TAF5L: variants seen among roughly 807,000 people sequenced by gnomAD.
The protein encoded by TAF5L is TATA-box binding protein associated factor 5 like.
A neutral mutation model predicts 51.3 loss-of-function variants in TAF5L; 7 were observed. The observed-to-expected ratio is 0.14, with a 90% confidence interval of 0.08 to 0.26. The LOEUF is 0.26. Ranked by LOEUF, TAF5L falls within the 10% of genes least tolerant of loss-of-function variation. The pLI, the probability that TAF5L is intolerant of heterozygous loss-of-function variation, is 1.00. For missense variants in TAF5L, 575 were observed against 758.9 expected, an observed-to-expected ratio of 0.76 and a Z score of 2.85; for synonymous variants, 291 against 308.1, an observed-to-expected ratio of 0.94 and a Z score of 0.58.
chr1:229,620,001 G>A (rs1665145355), intron 1 of TAF5L, among the ~76,000 whole-genome samples: 1 of 151,872 alleles, frequency 6.6e-6, no homozygotes, highest in Non-Finnish European at 1.5e-5. Flanking sequence ...CGGCTTAATG[G>A]TGCCACTATC....
At chr1:229,611,764 C>T (rs1664800740) in intron 2 of TAF5L, among the ~76,000 whole-genome samples, 1 of 152,200 alleles carries the variant, frequency 6.6e-6, no homozygotes, top group Non-Finnish European at 1.5e-5. Context: ...CTTATCAATA[C>T]TGCCACCAGA....
At chr1:229,611,535 C>G (rs999616650) in intron 2 of TAF5L, among the ~76,000 whole-genome samples, 1 of 152,150 alleles carries the variant, frequency 6.6e-6, no homozygotes, top group Non-Finnish European at 1.5e-5. Flanking sequence ...AAGGAAGAGA[C>G]AGTCAGAAGA....
At chr1:229,600,882 T>C in intron 4 of TAF5L, 3 of 985,054 alleles carry the variant, frequency 3.0e-6, no homozygotes, top group Middle Eastern at 5.2e-4. Context: ...ATCTCCAAAC[T>C]CTGTATCATC....
intron 3 of TAF5L, 39 bp downstream of exon 3, chr1:229,610,067 T>C (rs1403202854): frequency 2.5e-6 from 4 of 1,598,410 alleles, no homozygotes; most frequent in Non-Finnish European, 3.4e-6. Flanking sequence ...TATTACTCTG[T>C]TTTCTTAAAA....
rs536656744 is a variant in TAF5L at position 229,625,154 on chromosome 1, C to T, written c.-4+731G>A. Among the ~76,000 whole-genome samples the T allele has an allele frequency of 6.6e-5, 10 of 152,318 alleles. No homozygotes were observed. Among genetic ancestry groups the T allele is most frequent in the Admixed American group, 5.9e-4 (9 of 15,310 alleles). On this transcript the variant is annotated intron_variant, in intron 1 of 4. Transcript: ENST00000258281. The surrounding 1 kb of genome is among the most constrained non-coding windows in gnomAD (Gnocchi z 4.0). ...ATGTAGCGTTCCTGCACTCCACTTC[C>T]GCTAAGTCTAAAATGACACCACTGT...
At chr1:229,620,986 C>G (rs1665182278) in intron 1 of TAF5L, among the ~76,000 whole-genome samples, 1 of 149,292 alleles carries the variant, frequency 6.7e-6, no homozygotes. Flanking sequence ...GTGTGTGTCT[C>G]AAAGTGGATG....
chr1:229,625,374 G>A lies in TAF5L; in HGVS notation c.-4+511C>T, dbSNP rs1665407561. ...CTCCTGCAGCAGCTAGTCTAACTCT[G>A]GCTCCCCCGTGTCACACGCGGAGAT... is the stretch of plus-strand genomic sequence containing the variant. On this transcript the variant is annotated intron_variant, in intron 1 of 4. Coordinates refer to ENST00000258281, the Ensembl canonical transcript of TAF5L. This position sits in a 1 kb window ranked among gnomAD's most constrained non-coding sequence, Gnocchi z 4.0. Among the ~76,000 whole-genome samples the A allele has an allele frequency of 1.3e-5, 2 of 152,160 alleles. No individual in the cohort carries two copies. The highest frequency in any genetic ancestry group is 4.2e-4 in the South Asian group (2 of 4,806).
chr1:229,624,236 C>A (rs758112786), intron 1 of TAF5L, among the ~76,000 whole-genome samples: 1 of 152,216 alleles, frequency 6.6e-6, no homozygotes, highest in Non-Finnish European at 1.5e-5. Flanking sequence ...ATAAGCCTCA[C>A]ATTTACAGGC....
At chr1:229,600,575 T>C in intron 4 of TAF5L, 1 of 985,498 alleles carries the variant, frequency 1.0e-6, no homozygotes, top group Non-Finnish European at 1.2e-6. Flanking sequence ...CCACTGCCAC[T>C]ACCCTAGTTT....
At chr1:229,601,982 T>C in intron 4 of TAF5L, 2 of 1,388,496 alleles carry the variant, frequency 1.4e-6, no homozygotes, top group Non-Finnish European at 1.9e-6. Flanking sequence ...GACCATTCAT[T>C]AATAAGAAGT....
exon 5 of TAF5L, chr1:229,593,927 G>A (rs528640445): frequency 2.7e-4 from 56 of 203,936 alleles, no homozygotes; most frequent in African/African-American, 1.2e-3. Flanking sequence ...CCCCTGCGGC[G>A]CCACTTCTCC....
intron 2 of TAF5L, among the ~76,000 whole-genome samples, chr1:229,613,634 C>T (rs890474594): frequency 2.0e-4 from 30 of 152,090 alleles, no homozygotes; most frequent in Non-Finnish European, 1.2e-4. Flanking sequence ...TTAAAGAATA[C>T]AGGAGGATGT....
chr1:229,600,381 A>G (rs1488203340), intron 4 of TAF5L: 2 of 985,412 alleles, frequency 2.0e-6, no homozygotes, highest in Non-Finnish European at 2.4e-6. Flanking sequence ...AGTATGAACC[A>G]TGATGGAAAG....
At chr1:229,599,951 C>T (rs184186117) in intron 4 of TAF5L, 1 of 985,468 alleles carries the variant, frequency 1.0e-6, no homozygotes, top group Non-Finnish European at 1.2e-6. Context: ...TACTTTCTAT[C>T]ATCTCATTAA....
Position 229,602,411 on chromosome 1 carries a change from C to A in TAF5L, c.756G>T (p.Gly252=), listed in dbSNP as rs1305552346. The A allele has an allele frequency of 6.2e-7, 1 of 1,613,988 alleles. No homozygotes were observed. The highest frequency in any genetic ancestry group is 1.7e-5 in the Admixed American group (1 of 59,992). The change falls in exon 4 of 5, where the codon GGG becomes GGT. Residue 252 remains glycine (G), a synonymous_variant. Coordinates refer to ENST00000258281, the Ensembl canonical transcript of TAF5L. This position sits in a 1 kb window ranked among gnomAD's most constrained non-coding sequence, Gnocchi z 4.6. ...AGCAGATGGTAGTGAGGGAGGGAGGCCCATCCTTGACTCGCTTAATGCTCT... is the reference window on the plus strand; with the variant it reads ...AGCAGATGGTAGTGAGGGAGGGAGGACCATCCTTGACTCGCTTAATGCTCT...
chr1:229,606,061 T>TA, intron 3 of TAF5L: 1 of 835,978 alleles, frequency 1.2e-6, no homozygotes, highest in Non-Finnish European at 1.4e-6. Context: ...TTCAATTGAG[T>TA]AAGTTTAGAA....
rs371982508 is a variant in TAF5L, at chr1:229,602,295, C to G, written c.872G>C (p.Cys291Ser). ...GGATCGTAAACTCCAAAGTTTTATA[C>G]AGGAGTTGTCAAACCCAGCAGCAAG... The change falls in exon 4 of 5, where the codon TGT (cysteine) becomes TCT (serine). Residue 291 changes from cysteine to serine, a missense_variant. Cys to Ser is a moderately radical substitution (Grantham distance 112). Transcript: ENST00000258281. The surrounding 1 kb of genome is among the most constrained non-coding windows in gnomAD (Gnocchi z 4.6). The G allele has an allele frequency of 1.9e-6, 3 of 1,614,020 alleles. No individual in the cohort carries two copies. The highest frequency in any genetic ancestry group is 1.1e-5 in the South Asian group (1 of 91,078).
At chr1:229,616,081 C>T (rs1664991688) in intron 1 of TAF5L, among the ~76,000 whole-genome samples, 1 of 152,162 alleles carries the variant, frequency 6.6e-6, no homozygotes, top group Non-Finnish European at 1.5e-5. Flanking sequence ...ATGGCATGAT[C>T]TCAGCTCACT....
chr1:229,595,129 C>CA (rs1664071582), intron 4 of TAF5L, 35 bp from the exon 5 acceptor site: 1 of 1,533,198 alleles, frequency 6.5e-7, no homozygotes. Flanking sequence ...AAAAGAAACA[C>CA]ACACAAAAAA....
Sources: gnomAD v4.1 joint callset for allele counts (sites outside exome capture counted in the v4.1 genomes callset) on GRCh38, gnomAD v4.1.1 for gene constraint, Gnocchi (gnomAD v3.1) non-coding constraint, MANE v1.5 for transcripts, NCBI Gene and HGNC (gene_info 2026-07-23, HGNC 2026-07-21) for gene names.